The following RAD51AP2 variants were observed in gnomAD, a reference collection of about 807,000 sequenced individuals.
RAD51AP2 encodes the protein RAD51-associated protein 2.
RAD51AP2 carries 67 observed loss-of-function variants against 85.5 expected under a neutral mutation model. That is an observed-to-expected ratio of 0.78 (90% CI 0.64 to 0.96). The LOEUF is 0.96. Among genes scored for constraint, RAD51AP2 ranks in the 40% least tolerant of loss-of-function variants. The pLI, the probability that RAD51AP2 is intolerant of heterozygous loss-of-function variation, is 0.00. For missense variants in RAD51AP2, 1,307 were observed against 1,332.4 expected (o/e 0.98, Z 0.30); for synonymous variants, 474 against 446.5 (o/e 1.06, Z -0.78).
chr2:17,519,533 C>G (rs887168089), upstream of RAD51AP2, among the ~76,000 whole-genome samples: 3 of 152,016 alleles, frequency 2.0e-5, no homozygotes, highest in Admixed American at 6.5e-5. Flanking sequence ...ACTTCAGAAC[C>G]CTCCCATGGC....
chr2:17,527,749 A>G, the RAD51AP2 span, among the ~76,000 whole-genome samples: 3 of 152,206 alleles, frequency 2.0e-5, no homozygotes, highest in Admixed American at 6.5e-5. Flanking sequence ...AAAGTATATC[A>G]TAAGGATGAG....
the RAD51AP2 span, among the ~76,000 whole-genome samples, chr2:17,526,589 G>A: frequency 6.6e-6 from 1 of 152,056 alleles, no homozygotes; most frequent in East Asian, 1.9e-4. Context: ...ACTAATACGA[G>A]GTCAAACTTT....
At position 17,517,225 on chromosome 2, in the gene RAD51AP2, AC is replaced by A. The variant is rs1558266548; in HGVS notation, c.1190del (p.Cys397LeufsTer7). 6.2e-7 allele frequency: 1 copy of A among 1,613,906 alleles called. No individual in the cohort carries two copies. Among genetic ancestry groups the A allele is most frequent in the Admixed American group, 1.7e-5 (1 of 59,994 alleles). ...TRLEKSQNWD[C>X]NVRHILRRNR... ...TTCTTCTCAAAATATGTCTAACGTTACAGTCCCAGTTTTGAGATTTTTCCAG... is the reference window on the plus strand; with the variant it reads ...TTCTTCTCAAAATATGTCTAACGTTAAGTCCCAGTTTTGAGATTTTTCCAG... On this transcript the variant is annotated frameshift_variant, in exon 1 of 3. Coordinates refer to ENST00000399080, the MANE Select transcript of RAD51AP2 (RefSeq NM_001099218.3). LOFTEE classifies it high-confidence loss of function.
rs1479226548 is a variant in RAD51AP2, at chr2:17,517,107, CTAA to C, written c.1306_1308del (p.Leu436del). On this transcript the variant is annotated inframe_deletion, in exon 1 of 3. Coordinates refer to ENST00000399080, the MANE Select transcript of RAD51AP2 (RefSeq NM_001099218.3). Reference sequence around the variant, plus strand: ...TCTTCCTTGCTTAAAAGGTCTATTTCTAATAATAATAGCCAATTCCATTTTTCT... The same window carrying C: ...TCTTCCTTGCTTAAAAGGTCTATTTCTAATAATAGCCAATTCCATTTTTCT... The C allele has an allele frequency of 1.2e-6, 2 of 1,612,340 alleles. No homozygotes were observed. Among genetic ancestry groups the C allele is most frequent in the East Asian group, 2.2e-5 (1 of 44,816 alleles).
the RAD51AP2 span, among the ~76,000 whole-genome samples, chr2:17,523,924 G>C: frequency 6.6e-6 from 1 of 151,802 alleles, no homozygotes; most frequent in Admixed American, 6.6e-5. Context: ...CTTTTAAGTG[G>C]ATGCTGTCAT....
the RAD51AP2 span, among the ~76,000 whole-genome samples, chr2:17,535,777 A>G: frequency 1.3e-5 from 2 of 152,066 alleles, no homozygotes; most frequent in African/African-American, 4.8e-5. Flanking sequence ...TCTGTAACAA[A>G]TTAACATGAA....
intron 1 of RAD51AP2, among the ~76,000 whole-genome samples, chr2:17,514,445 G>A (rs1006590859): frequency 6.6e-6 from 1 of 151,964 alleles, no homozygotes; most frequent in African/African-American, 2.4e-5. Context: ...AAGAGGAAGA[G>A]GTTGATGAAA....
Position 17,516,660 on chromosome 2 carries a change from A to C in RAD51AP2, c.1756T>G (p.Phe586Val), listed in dbSNP as rs1289270313. ...AAAGAGTCAAAGTTATTGAGCAAAA[A>C]AGCTATGTTAGTTTTCAATAGAATA... ...LDILLKTNIA[F>V]LLNNFDSLTR... The change falls in exon 1 of 3, where the codon TTT becomes GTT. Residue 586 changes from phenylalanine to valine, a missense_variant. By Grantham distance (50) the Phe-to-Val change is conservative. Transcript: ENST00000399080. 6.4e-7 allele frequency: 1 copy of C among 1,569,956 alleles called. No homozygotes were observed. Among genetic ancestry groups the C allele is most frequent in the Admixed American group, 2.0e-5 (1 of 51,154 alleles).
At position 17,518,003 on chromosome 2, in the gene RAD51AP2, T is replaced by C. The variant is rs1662746725; in HGVS notation, c.413A>G (p.His138Arg). ...GTGCACACTGAAAGCCTCTCTGTCA[T>C]GCAGGCCTGCCTCAGACCTTCCTGA... is the stretch of plus-strand genomic sequence containing the variant. ...RASGRSEAGL[H>R]DREAFSVHRS... Residue 138 changes from histidine (H) to arginine (R), a missense_variant, in exon 1 of 3, where the codon CAT (histidine) becomes CGT (arginine). Around this residue, in one of 3 missense-constraint regions of RAD51AP2, gnomAD observed 635 missense variants for 643.6 expected, o/e 0.99. Transcript: ENST00000399080. 1.9e-6 allele frequency: 3 copies of C among 1,614,074 alleles called. No homozygotes were observed. Among genetic ancestry groups the C allele is most frequent in the Admixed American group, 3.3e-5 (2 of 60,000 alleles).
At chr2:17,519,240 A>G (rs1288461530), upstream of RAD51AP2, among the ~76,000 whole-genome samples, 2 of 151,986 alleles carry the variant, frequency 1.3e-5, no homozygotes, top group Admixed American at 1.3e-4. Flanking sequence ...CATACCTACT[A>G]ACAAATTTTT....
chr2:17,528,462 T>C, the RAD51AP2 span, among the ~76,000 whole-genome samples: 1 of 152,132 alleles, frequency 6.6e-6, no homozygotes, highest in Non-Finnish European at 1.5e-5. Flanking sequence ...TTAAAAAGAA[T>C]GAGAGGGAAA....
chr2:17,516,400 C>A lies in RAD51AP2; in HGVS notation c.2016G>T (p.Met672Ile). The A allele has an allele frequency of 1.2e-6, 2 of 1,608,410 alleles. No homozygotes were observed. The highest frequency in any genetic ancestry group is 2.2e-5 in the South Asian group (2 of 89,336). ...TCGGAAAACCTGTATTTTGAGTTGT[C>A]ATACTGAAGGAATTAATGAGTTTTT... Reference protein sequence around the residue: ...SKKKLINSFSMTTQNTGFPIF... With the variant: ...SKKKLINSFSITTQNTGFPIF... Residue 672 changes from methionine (M) to isoleucine (I), a missense_variant, in exon 1 of 3, where the codon ATG (methionine) becomes ATT (isoleucine). Physicochemically the swap from Met to Ile is conservative, Grantham distance 10. Coordinates refer to ENST00000399080, the MANE Select transcript of RAD51AP2 (RefSeq NM_001099218.3).
chr2:17,524,703 T>C, the RAD51AP2 span, among the ~76,000 whole-genome samples: 2 of 151,958 alleles, frequency 1.3e-5, no homozygotes, highest in Admixed American at 6.6e-5. Context: ...GGATAGTTAA[T>C]TTGGTTATCT....
the RAD51AP2 span, among the ~76,000 whole-genome samples, chr2:17,524,228 TTTG>T: frequency 1.3e-5 from 2 of 151,958 alleles, no homozygotes; most frequent in Non-Finnish European, 2.9e-5. Context: ...ATTCATGTGT[TTTG>T]TTGTTTTGTT....
At chr2:17,526,064 A>G in the RAD51AP2 span, among the ~76,000 whole-genome samples, 1 of 151,750 alleles carries the variant, frequency 6.6e-6, no homozygotes, top group African/African-American at 2.4e-5. Context: ...GCTAATTATG[A>G]TATTATATAT....
chr2:17,523,509 A>C, the RAD51AP2 span, among the ~76,000 whole-genome samples: 1 of 151,944 alleles, frequency 6.6e-6, no homozygotes, highest in Non-Finnish European at 1.5e-5. Context: ...AATTTATATT[A>C]TTCATACTAT....
chr2:17,513,237 C>CTTT lies in RAD51AP2; in HGVS notation c.3328+772_3328+774dup, dbSNP rs11394351. 1.4e-3 allele frequency among the ~76,000 whole-genome samples: 157 copies of CTTT among 111,208 alleles called. 3 individuals are homozygous for CTTT. The highest frequency in any genetic ancestry group is 2.9e-3 in the African/African-American group (89 of 30,174). The allele number at this position is 111,208 out of a possible 152,430, so 73.0% of individuals were successfully genotyped here. A position where few individuals can be genotyped will look rare whatever the true frequency, so the allele number is the denominator to read the frequency against. On this transcript the variant is annotated intron_variant, in intron 2 of 2. Coordinates refer to ENST00000399080, the MANE Select transcript of RAD51AP2 (RefSeq NM_001099218.3). The stretch of plus-strand genomic sequence containing the variant: ...TTGTTTAATTTTTCTTTAGTGTGTG[C>CTTT]TTTTTTTTTTTTTTTTTTTTGACAG...
Position 17,516,292 on chromosome 2 carries a change from A to T in RAD51AP2, c.2124T>A (p.Cys708Ter), listed in dbSNP as rs1294118774. The T allele has an allele frequency of 1.2e-6, 2 of 1,609,202 alleles. No individual in the cohort carries two copies. The highest frequency in any genetic ancestry group is 2.7e-5 in the African/African-American group (2 of 74,532). ...CTTGTTGAGGACAACTCATATTCTG[A>T]CAAGTAATTTCTCTTATTAAAGAAA... ...DEISLIREIT[C>*]QNMSCPQQVV... The change falls in exon 1 of 3, where the codon TGT becomes TGA. Residue 708 changes from cysteine to a stop codon, truncating the protein, a stop_gained. Coordinates refer to ENST00000399080, the MANE Select transcript of RAD51AP2 (RefSeq NM_001099218.3). LOFTEE classifies it high-confidence loss of function.
chr2:17,532,728 AGAT>A, the RAD51AP2 span, among the ~76,000 whole-genome samples: 2 of 152,338 alleles, frequency 1.3e-5, no homozygotes, highest in African/African-American at 4.8e-5. Flanking sequence ...ATAGATAGAT[AGAT>A]GATAAACACA....
Sources: gnomAD v4.1 joint callset for allele counts (sites outside exome capture counted in the v4.1 genomes callset) on GRCh38, gnomAD v4.1.1 for gene constraint, gnomAD v4.1.1 regional missense constraint, MANE v1.5 for transcripts, NCBI Gene and HGNC (gene_info 2026-07-23, HGNC 2026-07-21) for gene names.